Variants in ARHGAP8 observed in about 807,000 individuals in gnomAD.
ARHGAP8 encodes the protein rho GTPase-activating protein 8.
A neutral mutation model predicts 46.1 loss-of-function variants in ARHGAP8; 62 were observed. The observed-to-expected ratio is 1.34, with a 90% CI of 1.10 to 1.66. The LOEUF is 1.66. ARHGAP8 is among the 40% of genes most tolerant of loss of function. ARHGAP8 has a pLI of 0.00. For missense variants in ARHGAP8, 923 were observed against 568.4 expected (o/e 1.62, Z -6.34); for synonymous variants, 375 against 243.1 (o/e 1.54, Z -5.05).
chr22:44,791,565 G>A (rs532576642), intron 2 of ARHGAP8, among the ~76,000 whole-genome samples: 5 of 152,214 alleles, frequency 3.3e-5, no homozygotes, highest in South Asian at 4.2e-4. Flanking sequence ...TTAGCCGGGC[G>A]TGATGGTGGG....
At chr22:44,803,596 T>A (rs1437428264) in intron 3 of ARHGAP8, among the ~76,000 whole-genome samples, 2 of 139,014 alleles carry the variant, frequency 1.4e-5, no homozygotes, top group Non-Finnish European at 3.1e-5. Flanking sequence ...TCCCCTACTG[T>A]GGCTGTCCTC....
chr22:44,780,804 C>T (rs551966234), intron 1 of ARHGAP8, among the ~76,000 whole-genome samples: 3 of 152,338 alleles, frequency 2.0e-5, no homozygotes, highest in African/African-American at 4.8e-5. Flanking sequence ...AAATAAAGCC[C>T]TGGGGATGAG....
At chr22:44,782,634 G>T (rs1034910082) in intron 1 of ARHGAP8, among the ~76,000 whole-genome samples, 3 of 152,138 alleles carry the variant, frequency 2.0e-5, no homozygotes, top group Non-Finnish European at 4.4e-5. Flanking sequence ...TGAATAGAGC[G>T]GTTTCAAGTT....
At chr22:44,822,717 A>T (rs1354373608) in intron 6 of ARHGAP8, among the ~76,000 whole-genome samples, 7 of 152,228 alleles carry the variant, frequency 4.6e-5, no homozygotes, top group African/African-American at 1.2e-4. Flanking sequence ...AAACTGATTT[A>T]AAAAATAAGC....
intron 7 of ARHGAP8, among the ~76,000 whole-genome samples, chr22:44,844,134 G>C (rs1416302850): frequency 1.3e-5 from 2 of 152,042 alleles, no homozygotes; most frequent in Non-Finnish European, 2.9e-5. Context: ...ACCACGCCTG[G>C]CTAATTTTTG....
At chr22:44,813,122 A>G (rs970644635) in intron 4 of ARHGAP8, among the ~76,000 whole-genome samples, 5 of 152,114 alleles carry the variant, frequency 3.3e-5, no homozygotes, top group African/African-American at 1.2e-4. Context: ...GGCTCCCTGT[A>G]GTGGAGAATG....
chr22:44,859,015 C>A (rs1456053198), intron 10 of ARHGAP8, among the ~76,000 whole-genome samples: 1 of 151,714 alleles, frequency 6.6e-6, no homozygotes, highest in Admixed American at 6.6e-5. Context: ...TCCAAGAAAA[C>A]GTTATTGGCA....
rs146040774 is a variant in ARHGAP8 at position 44,825,521 on chromosome 22, C to T, written c.524C>T (p.Thr175Met). The T allele has an allele frequency of 1.2e-5, 20 of 1,613,242 alleles. No homozygotes were observed. Among genetic ancestry groups the T allele is most frequent in the Admixed American group, 6.7e-5 (4 of 59,962 alleles). ...EKLQSLHEGR[T>M]PPPTKTPPPR... ...CTCCAGAGCCTGCACGAGGGCCGGA[C>T]GCCGCCTCCCACCAAGACACCACCG... is the stretch of plus-strand genomic sequence containing the variant. Residue 175 changes from threonine (T) to methionine (M), a missense_variant, in exon 7 of 12, where the codon ACG (threonine) becomes ATG (methionine). Physicochemically the swap from Thr to Met is moderately conservative, Grantham distance 81 (BLOSUM62 -1). Coordinates refer to ENST00000356099, the MANE Select transcript of ARHGAP8 (RefSeq NM_181335.3).
chr22:44,783,806 T>C (rs1024313036), intron 1 of ARHGAP8, among the ~76,000 whole-genome samples: 1 of 152,166 alleles, frequency 6.6e-6, no homozygotes, highest in Non-Finnish European at 1.5e-5. Flanking sequence ...CTTTGTTTCC[T>C]GCCCTTTGCT....
chr22:44,825,687 G>C lies in ARHGAP8; in HGVS notation c.596+94G>C, dbSNP rs1341315354. On this transcript the variant is annotated intron_variant, in intron 7 of 11. Coordinates refer to ENST00000356099, the MANE Select transcript of ARHGAP8 (RefSeq NM_181335.3). ...CCAGAAATATTTTCCCCAGACGTTT[G>C]TCTCCAGCAGCCAAGCTGAACCCTG... 11 of 1,398,306 alleles carry C rather than the reference G, an allele frequency of 7.9e-6. No homozygotes were observed. The South Asian group carries it at 1.5e-4, about 19-fold the overall frequency. 86.6% of individuals were successfully genotyped at this position (1,398,306 alleles called of 1,614,324 possible). A position where few individuals can be genotyped will look rare whatever the true frequency, so the allele number is the denominator to read the frequency against.
chr22:44,783,325 G>C (rs1026257451), intron 1 of ARHGAP8, among the ~76,000 whole-genome samples: 6 of 149,968 alleles, frequency 4.0e-5, no homozygotes, highest in Admixed American at 2.0e-4. Context: ...GTCCATCCCC[G>C]AGCTGTCCAC....
chr22:44,857,806 T>C lies in ARHGAP8; in HGVS notation c.878-1925T>C, dbSNP rs557032461. Among the ~76,000 whole-genome samples the C allele has an allele frequency of 2.0e-5, 3 of 151,702 alleles. No individual in the cohort carries two copies. In the South Asian group the frequency reaches 6.3e-4, roughly 32 times the overall value. On this transcript the variant is annotated intron_variant, in intron 10 of 11. Transcript: ENST00000356099. ...GTCACCTAACCTCTCAGAGCTCTCT[T>C]TCCTCCTCTCTCTACACTGGGGTGG...
At chr22:44,825,332 AGTGT>A (rs1023410397) in intron 6 of ARHGAP8, 147 bp from the exon 7 acceptor site, 12 of 695,564 alleles carry the variant, frequency 1.7e-5, no homozygotes, top group African/African-American at 3.6e-5. Flanking sequence ...TGTGTATGTG[AGTGT>A]GTGTGTGAGC....
chr22:44,761,309 T>A (rs1925117710), intron 1 of ARHGAP8, among the ~76,000 whole-genome samples: 1 of 152,234 alleles, frequency 6.6e-6, no homozygotes, highest in Non-Finnish European at 1.5e-5. Flanking sequence ...TATTATGGGT[T>A]CCTCATCTGT....
rs770333915 is a variant in ARHGAP8 at position 44,862,278 on chromosome 22, T to C, written c.985T>C (p.Ser329Pro). Residue 329 changes from serine to proline, a missense_variant, in exon 12 of 12, where the codon TCC (serine) becomes CCC (proline). Coordinates refer to ENST00000356099, the MANE Select transcript of ARHGAP8 (RefSeq NM_181335.3). ...ACTTGTGTGTGGTTTCCTCCAGGTG[T>C]CCCGGGAGAGCATCTTCAACAAAAT... The part of the protein sequence containing the change: ...RYLMGFLHAV[S>P]RESIFNKMNS... 5 of 1,589,518 alleles carry C rather than the reference T, an allele frequency of 3.1e-6. No individual in the cohort carries two copies. Among genetic ancestry groups the C allele is most frequent in the Middle Eastern group, 1.7e-4 (1 of 5,950 alleles).
chr22:44,849,546 C>G (rs1043752159), intron 10 of ARHGAP8: 2 of 160,766 alleles, frequency 1.2e-5, no homozygotes, highest in Non-Finnish European at 2.7e-5. Context: ...CTCAGTGTGG[C>G]TGAGCACAGA....
At position 44,814,658 on chromosome 22, in the gene ARHGAP8, G is replaced by A. The variant is rs763828969; in HGVS notation, c.300-14G>A. On this transcript the variant is annotated splice_polypyrimidine_tract_variant and intron_variant, in intron 4 of 11. Coordinates refer to ENST00000356099, the MANE Select transcript of ARHGAP8 (RefSeq NM_181335.3). The stretch of plus-strand genomic sequence containing the variant: ...GCGCGGCAGCCTGAAGTCATCCCCC[G>A]TTTCCCTCCTCAGGTACAAGAAGAA... 14 of 1,611,902 alleles carry A rather than the reference G, an allele frequency of 8.7e-6. No homozygotes were observed. Among genetic ancestry groups the A allele is most frequent in the South Asian group, 3.3e-5 (3 of 90,912 alleles).
chr22:44,761,273 C>G (rs545625632), intron 1 of ARHGAP8, among the ~76,000 whole-genome samples: 1 of 152,160 alleles, frequency 6.6e-6, no homozygotes, highest in African/African-American at 2.4e-5. Flanking sequence ...CCTCTGTAAC[C>G]GTGGACTCTG....
At chr22:44,780,848 A>G (rs930792313) in intron 1 of ARHGAP8, among the ~76,000 whole-genome samples, 1 of 152,168 alleles carries the variant, frequency 6.6e-6, no homozygotes, top group African/African-American at 2.4e-5. Flanking sequence ...CTTTAGTGAG[A>G]TAACACCCTC....
Sources: allele counts gnomAD v4.1 joint callset (sites outside exome capture counted in the v4.1 genomes callset), GRCh38; gene constraint gnomAD v4.1.1; transcripts MANE v1.5; gene names NCBI Gene and HGNC (gene_info 2026-07-23, HGNC 2026-07-21).